Variants in ZC3H13 observed in about 807,000 individuals in gnomAD.
ZC3H13 encodes zinc finger CCCH domain-containing protein 13.
A neutral mutation model predicts 204.1 loss-of-function variants in ZC3H13; 64 were observed. The observed-to-expected ratio is 0.31, with a 90% CI of 0.26 to 0.39. ZC3H13 has a LOEUF of 0.39. ZC3H13 is among the 10% of genes least tolerant of loss of function. The probability of loss-of-function intolerance (pLI) is 1.00; values close to 1 mark genes in which losing one functional copy is unlikely to be tolerated. For missense variants in ZC3H13, 1,833 were observed against 2,082.7 expected, an observed-to-expected ratio of 0.88 and a Z score of 2.33; for synonymous variants, 667 against 693.7, an observed-to-expected ratio of 0.96 and a Z score of 0.60.
chr13:45,975,160 CAGGAAAAT>C, intron 12 of ZC3H13, 115 bp downstream of exon 12: 4 of 1,430,794 alleles, frequency 2.8e-6, no homozygotes, highest in Non-Finnish European at 2.8e-6. Flanking sequence ...ATTTGAAAAA[CAGGAAAAT>C]ATACAGAGAA....
intron 4 of ZC3H13, among the ~76,000 whole-genome samples, chr13:46,030,759 G>C (rs2042844502): frequency 6.6e-6 from 1 of 152,082 alleles, no homozygotes; most frequent in African/African-American, 2.4e-5. Context: ...ATATGCATAA[G>C]ACATGCATGA....
chr13:45,994,217 T>C (rs2040171060), intron 8 of ZC3H13, among the ~76,000 whole-genome samples: 1 of 152,246 alleles, frequency 6.6e-6, no homozygotes, highest in African/African-American at 2.4e-5. Flanking sequence ...CAATACAGTA[T>C]ATAATACAAA....
intron 8 of ZC3H13, 25 bp downstream of exon 8, chr13:46,003,114 G>A: frequency 6.3e-7 from 1 of 1,598,264 alleles, no homozygotes; most frequent in African/African-American, 1.4e-5. Context: ...AGTTAATATT[G>A]TTAAAAACAT....
At chr13:46,001,320 C>T (rs1368333829) in intron 8 of ZC3H13, 1 of 152,124 alleles carries the variant, frequency 6.6e-6, no homozygotes, top group Non-Finnish European at 1.5e-5. Flanking sequence ...ACAGCCCCAC[C>T]TAAGAACCTT....
intron 3 of ZC3H13, among the ~76,000 whole-genome samples, chr13:46,044,228 T>C (rs1198519685): frequency 6.6e-6 from 1 of 151,858 alleles, no homozygotes; most frequent in Non-Finnish European, 1.5e-5. Context: ...AGTGTTGCTA[T>C]GCTATAGCCA....
chr13:45,984,222 A>G (rs1483402567), intron 10 of ZC3H13, among the ~76,000 whole-genome samples: 1 of 152,248 alleles, frequency 6.6e-6, no homozygotes, highest in African/African-American at 2.4e-5. Context: ...TTGTAAAACC[A>G]GAGGGGAAAA....
At chr13:45,970,614 G>A in intron 12 of ZC3H13, 149 bp from the exon 13 acceptor site, 1 of 584,604 alleles carries the variant, frequency 1.7e-6, no homozygotes, top group Non-Finnish European at 3.0e-6. Flanking sequence ...AGGATATTCA[G>A]TGTCTTTAAT....
chr13:45,987,557 A>C (rs565103249), intron 9 of ZC3H13, among the ~76,000 whole-genome samples: 1 of 152,246 alleles, frequency 6.6e-6, no homozygotes, highest in South Asian at 2.1e-4. Context: ...AAATTCTATC[A>C]AATAGGTGCT....
chr13:46,017,287 T>C (rs1181915413), intron 5 of ZC3H13, among the ~76,000 whole-genome samples: 2 of 151,822 alleles, frequency 1.3e-5, no homozygotes, highest in South Asian at 2.1e-4. Flanking sequence ...ATTTCAGGAG[T>C]TCTACAAAAT....
At chr13:46,017,517 T>C (rs1391358920) in intron 5 of ZC3H13, among the ~76,000 whole-genome samples, 1 of 152,052 alleles carries the variant, frequency 6.6e-6, no homozygotes, top group Non-Finnish European at 1.5e-5. Flanking sequence ...CTTTGCAAAA[T>C]AGTTATTTTT....
chr13:46,011,690 G>A, intron 5 of ZC3H13, 136 bp from the exon 6 acceptor site: 1 of 533,798 alleles, frequency 1.9e-6, no homozygotes, highest in Non-Finnish European at 2.9e-6. Context: ...ACTTCTAAAA[G>A]ATAAAAGAAA....
intron 9 of ZC3H13, among the ~76,000 whole-genome samples, chr13:45,988,212 T>G (rs73478678): frequency 6.6e-6 from 1 of 152,160 alleles, no homozygotes; most frequent in Admixed American, 6.5e-5. Flanking sequence ...CAAAAATTTC[T>G]AGAACTTGAG....
chr13:46,023,398 G>C (rs1216404094), intron 4 of ZC3H13, among the ~76,000 whole-genome samples: 1 of 152,112 alleles, frequency 6.6e-6, no homozygotes, highest in East Asian at 1.9e-4. Context: ...ATTGGGAATA[G>C]TTCTAACCTC....
At chr13:46,032,158 T>C (rs1236898060) in intron 4 of ZC3H13, among the ~76,000 whole-genome samples, 2 of 152,170 alleles carry the variant, frequency 1.3e-5, no homozygotes, top group African/African-American at 2.4e-5. Context: ...CTGATAGTGG[T>C]GCAAGTCCTG....
Position 46,016,004 on chromosome 13 carries a change from G to A in ZC3H13, c.448+4445C>T, listed in dbSNP as rs57950139. Among the ~76,000 whole-genome samples, 645 of 151,650 alleles carry A rather than the reference G, an allele frequency of 4.3e-3. 5 individuals are homozygous for A. Among genetic ancestry groups the A allele is most frequent in the African/African-American group, 0.015 (623 of 41,406 alleles). ...GAACAGACACTTCACAAAATAGGGT[G>A]TACAATGGTCAGTGAACATGTGAAA... On this transcript the variant is annotated intron_variant, in intron 5 of 18. Coordinates refer to ENST00000679008, the MANE Select transcript of ZC3H13 (RefSeq NM_001330564.2).
At position 45,969,605 on chromosome 13, in the gene ZC3H13, C is replaced by A. The variant is rs531453703; in HGVS notation, c.2939G>T (p.Gly980Val). 2.5e-6 allele frequency: 4 copies of A among 1,610,974 alleles called. No homozygotes were observed. The highest frequency in any genetic ancestry group is 2.2e-5 in the East Asian group (1 of 44,854). ...ATCTTCAGATGTTGTCTCTATGTTA[C>A]CCCTCTCTATTCCAACATCATCCTC... ...KKEDDVGIER[G>V]NIETTSEDGQ... The change falls in exon 14 of 19, where the codon GGT becomes GTT. Residue 980 changes from glycine to valine, a missense_variant. Around this residue, in one of 5 missense-constraint regions of ZC3H13, gnomAD observed 1,574 missense variants for 1,757.2 expected, o/e 0.90. Transcript: ENST00000679008.
Position 46,045,398 on chromosome 13 carries a change from G to C in ZC3H13, c.110C>G (p.Thr37Arg). ...FERLGPSTGS[T>R]AETQCRNWLK... Reference sequence around the variant, plus strand: ...ATACTAGTGACAACTCACCTCTGCTGTACTGCCAGTGCTGGGTCCAAGCCT... The same window carrying C: ...ATACTAGTGACAACTCACCTCTGCTCTACTGCCAGTGCTGGGTCCAAGCCT... Residue 37 changes from threonine (T) to arginine (R), a missense_variant, in exon 2 of 19, where the codon ACA (threonine) becomes AGA (arginine). Transcript: ENST00000679008. 1 of 1,613,536 alleles carries C rather than the reference G, an allele frequency of 6.2e-7. No homozygotes were observed. Among genetic ancestry groups the C allele is most frequent in the Non-Finnish European group, 8.5e-7 (1 of 1,179,506 alleles).
At chr13:45,979,296 C>T (rs189127812) in intron 11 of ZC3H13, among the ~76,000 whole-genome samples, 175 of 152,112 alleles carry the variant, frequency 1.2e-3, no homozygotes, top group African/African-American at 3.8e-3. Context: ...CATATAAGAA[C>T]GTAAAATTAG....
intron 18 of ZC3H13, among the ~76,000 whole-genome samples, chr13:45,959,140 ATAC>A (rs1458615086): frequency 6.6e-6 from 1 of 152,138 alleles, no homozygotes; most frequent in Non-Finnish European, 1.5e-5. Context: ...ATTCTCATAA[ATAC>A]TACTCTCATA....
Sources: gnomAD v4.1 joint callset for allele counts (sites outside exome capture counted in the v4.1 genomes callset) on GRCh38, gnomAD v4.1.1 for gene constraint, gnomAD v4.1.1 regional missense constraint, MANE v1.5 for transcripts, NCBI Gene and HGNC (gene_info 2026-07-23, HGNC 2026-07-21) for gene names.